TNFRSF1B: variants seen among roughly 807,000 people sequenced by gnomAD.
TNFRSF1B encodes the protein TNF receptor superfamily member 1B.
TNFRSF1B carries 19 observed loss-of-function variants against 44.6 expected under a neutral mutation model. The ratio of observed to expected loss-of-function variants is 0.43; its 90% CI spans 0.30 to 0.62. The LOEUF (loss-of-function observed/expected upper bound fraction) is 0.62, where lower values mean the gene tolerates loss of function less well. TNFRSF1B is among the 20% of genes least tolerant of loss of function. The pLI is 0.16. For missense variants in TNFRSF1B, 541 were observed against 619.9 expected (o/e 0.87, Z 1.35); for synonymous variants, 252 against 261.1 (o/e 0.97, Z 0.34).
At position 12,186,149 on chromosome 1, in the gene TNFRSF1B, G is replaced by A. The variant is rs1570147109; in HGVS notation, c.79-2647G>A. On this transcript the variant is annotated intron_variant, in intron 1 of 9. Transcript: ENST00000376259. The surrounding 1 kb of genome is among the most constrained non-coding windows in gnomAD (Gnocchi z 4.8). ...GCCCCAGCTCCTCTGGGTCGTTCCC[G>A]CTGAGGGATTCCAGCTGTTGGCACC... Among the ~76,000 whole-genome samples, 1 of 152,186 alleles carries A rather than the reference G, an allele frequency of 6.6e-6. No homozygotes were observed. Among genetic ancestry groups the A allele is most frequent in the Non-Finnish European group, 1.5e-5 (1 of 68,018 alleles).
At chr1:12,193,846 C>T in intron 6 of TNFRSF1B, 109 bp from the exon 7 acceptor site, 2 of 781,674 alleles carry the variant, frequency 2.6e-6, no homozygotes, top group South Asian at 3.0e-5. Flanking sequence ...TAGACTCGCC[C>T]CTCATTTGCA....
intron 1 of TNFRSF1B, chr1:12,167,661 T>A: frequency 4.5e-6 from 1 of 219,864 alleles, no homozygotes; most frequent in South Asian, 4.3e-5. Flanking sequence ...TTCCGATTTC[T>A]TAGAAATACC....
In TNFRSF1B at chr1:12,168,813, C is replaced by A. The variant is rs112356758; in HGVS notation, c.78+1644C>A. Among the ~76,000 whole-genome samples, 4 of 152,314 alleles carry A rather than the reference C, an allele frequency of 2.6e-5. No individual in the cohort carries two copies. The highest frequency in any genetic ancestry group is 9.6e-5 in the African/African-American group (4 of 41,566). On this transcript the variant is annotated intron_variant, in intron 1 of 9. Transcript: ENST00000376259. This position sits in a 1 kb window ranked among gnomAD's most constrained non-coding sequence, Gnocchi z 4.7. The stretch of plus-strand genomic sequence containing the variant: ...GGTCTCCCGGCCCTGCCCCCTCTCC[C>A]GCTGATCCTTGGCAGAGAGACCCTT...
chr1:12,194,112 C>T, intron 7 of TNFRSF1B, 80 bp downstream of exon 7: 1 of 1,187,748 alleles, frequency 8.4e-7, no homozygotes, highest in Admixed American at 1.7e-5. Flanking sequence ...CAGCACTGGG[C>T]ACAGCCTTAG....
intron 2 of TNFRSF1B, among the ~76,000 whole-genome samples, chr1:12,189,656 C>T (rs1383747494): frequency 6.6e-6 from 1 of 152,186 alleles, no homozygotes; most frequent in Non-Finnish European, 1.5e-5. Context: ...AAACCCTTGC[C>T]CTCGTGGAGT....
intron 1 of TNFRSF1B, among the ~76,000 whole-genome samples, chr1:12,183,546 T>G (rs974993428): frequency 2.6e-5 from 4 of 152,056 alleles, no homozygotes; most frequent in Non-Finnish European, 5.9e-5. Flanking sequence ...CTTTCTATTA[T>G]CTCTATCATC....
chr1:12,179,875 G>A (rs1638751076), intron 1 of TNFRSF1B, among the ~76,000 whole-genome samples: 1 of 152,182 alleles, frequency 6.6e-6, no homozygotes, highest in South Asian at 2.1e-4. Flanking sequence ...ATAAAGAGAA[G>A]GTATATGAAC....
At position 12,192,997 on chromosome 1, in the gene TNFRSF1B, C is replaced by T; in HGVS notation, c.686C>T (p.Pro229Leu). 3.1e-6 allele frequency: 5 copies of T among 1,614,228 alleles called. No homozygotes were observed. The highest frequency in any genetic ancestry group is 4.2e-6 in the Non-Finnish European group (5 of 1,180,034). ...TCCACACGATCCCAACACACGCAGC[C>T]AACTCCAGAACCCAGCACTGCTCCA... ...PVSTRSQHTQ[P>L]TPEPSTAPST... is the part of the protein sequence containing the mutation. The change falls in exon 6 of 10, where the codon CCA becomes CTA. Residue 229 changes from proline (P) to leucine (L), a missense_variant. Pro to Leu is a moderately conservative substitution (Grantham distance 98). Transcript: ENST00000376259.
intron 1 of TNFRSF1B, among the ~76,000 whole-genome samples, chr1:12,183,837 A>G (rs1449111471): frequency 4.7e-5 from 7 of 149,770 alleles, no homozygotes; most frequent in Admixed American, 3.3e-4. Context: ...CTATCTATCT[A>G]TCTATCTATC....
At position 12,177,175 on chromosome 1, in the gene TNFRSF1B, T is replaced by C. The variant is rs1430451819; in HGVS notation, c.78+10006T>C. On this transcript the variant is annotated intron_variant, in intron 1 of 9. Transcript: ENST00000376259. This position sits in a 1 kb window ranked among gnomAD's most constrained non-coding sequence, Gnocchi z 4.3. The stretch of plus-strand genomic sequence containing the variant: ...GCCCCACCACGCCTGGCTAATTTTT[T>C]GTATTTTTTTTAGTAGAGATGGTGT... 1.3e-5 allele frequency among the ~76,000 whole-genome samples: 2 copies of C among 152,114 alleles called. No individual in the cohort carries two copies. Among genetic ancestry groups the C allele is most frequent in the Admixed American group, 6.5e-5 (1 of 15,274 alleles).
chr1:12,168,680 TC>T lies in TNFRSF1B; in HGVS notation c.78+1514del, dbSNP rs1356825993. ...CCTGGAGTAGCTGGAGGAGGTTCCC[TC>T]CCACTTCCTTCCCTTCCTGACCAGC... On this transcript the variant is annotated intron_variant, in intron 1 of 9. Transcript: ENST00000376259. The surrounding 1 kb of genome is among the most constrained non-coding windows in gnomAD (Gnocchi z 4.7). Among the ~76,000 whole-genome samples the T allele has an allele frequency of 6.6e-6, 1 of 152,068 alleles. No individual in the cohort carries two copies. Among genetic ancestry groups the T allele is most frequent in the African/African-American group, 2.4e-5 (1 of 41,398 alleles).
In TNFRSF1B at chr1:12,199,775, C is replaced by A. The variant is rs926033060; in HGVS notation, c.901-2192C>A. 6.6e-6 allele frequency among the ~76,000 whole-genome samples: 1 copy of A among 152,180 alleles called. No individual in the cohort carries two copies. Among genetic ancestry groups the A allele is most frequent in the African/African-American group, 2.4e-5 (1 of 41,444 alleles). On this transcript the variant is annotated intron_variant, in intron 8 of 9. Transcript: ENST00000376259. This position sits in a 1 kb window ranked among gnomAD's most constrained non-coding sequence, Gnocchi z 4.0. ...ACCTCCCGCTGCAGTGCTGGCGAGC[C>A]CCATCAGCCCTTCACTCATCTCTAC...
At chr1:12,173,123 G>C (rs1638558472) in intron 1 of TNFRSF1B, among the ~76,000 whole-genome samples, 1 of 152,186 alleles carries the variant, frequency 6.6e-6, no homozygotes, top group Admixed American at 6.5e-5. Flanking sequence ...TCCCATCTGA[G>C]CACCGTCACT....
At position 12,177,459 on chromosome 1, in the gene TNFRSF1B, T is replaced by C. The variant is rs1638686496; in HGVS notation, c.78+10290T>C. Among the ~76,000 whole-genome samples the C allele has an allele frequency of 6.6e-6, 1 of 152,148 alleles. No homozygotes were observed. The highest frequency in any genetic ancestry group is 1.9e-4 in the East Asian group (1 of 5,190). The stretch of plus-strand genomic sequence containing the variant: ...CAGGGCTGGTTGCTCATCTCAGGTA[T>C]GAAATTGGCTGCACCCCCACTAGTG... On this transcript the variant is annotated intron_variant, in intron 1 of 9. Coordinates refer to ENST00000376259, the MANE Select transcript of TNFRSF1B (RefSeq NM_001066.3). This position sits in a 1 kb window ranked among gnomAD's most constrained non-coding sequence, Gnocchi z 4.3.
intron 8 of TNFRSF1B, among the ~76,000 whole-genome samples, chr1:12,195,273 G>A (rs1639241744): frequency 6.6e-6 from 1 of 152,180 alleles, no homozygotes; most frequent in African/African-American, 2.4e-5. Context: ...CATCAGGAAG[G>A]CATTTGGCTG....
Position 12,188,825 on chromosome 1 carries a change from CG to C in TNFRSF1B, c.111del (p.Ser38AlafsTer57), listed in dbSNP as rs1639044297. The C allele has an allele frequency of 6.2e-7, 1 of 1,613,706 alleles. No homozygotes were observed. Among genetic ancestry groups the C allele is most frequent in the Non-Finnish European group, 8.5e-7 (1 of 1,179,874 alleles). The stretch of plus-strand genomic sequence containing the variant: ...CATTTACACCCTACGCCCCGGAGCC[CG>C]GGAGCACATGCCGGCTCAGAGAATA... ...VAFTPYAPEP[G>X]STCRLREYYD... is the part of the protein sequence containing the mutation. On this transcript the variant is annotated frameshift_variant, in exon 2 of 10. Coordinates refer to ENST00000376259, the MANE Select transcript of TNFRSF1B (RefSeq NM_001066.3). LOFTEE classifies it high-confidence loss of function.
At chr1:12,172,759 C>T (rs1638549942) in intron 1 of TNFRSF1B, among the ~76,000 whole-genome samples, 1 of 152,240 alleles carries the variant, frequency 6.6e-6, no homozygotes, top group Non-Finnish European at 1.5e-5. Context: ...TGTATTGTGG[C>T]AAAGGCTGTG....
rs139221787 is a variant in TNFRSF1B, at chr1:12,188,890, C to T, written c.173C>T (p.Ser58Leu). 21 of 1,613,010 alleles carry T rather than the reference C, an allele frequency of 1.3e-5. No homozygotes were observed. Among genetic ancestry groups the T allele is most frequent in the South Asian group, 7.7e-5 (7 of 90,952 alleles). Residue 58 changes from serine (S) to leucine (L), a missense_variant, in exon 2 of 10, where the codon TCG (serine) becomes TTG (leucine). By Grantham distance (145) the Ser-to-Leu change is moderately radical. Transcript: ENST00000376259. ...QTAQMCCSKC[S>L]PGQHAKVFCT... ...GCTCAGATGTGCTGCAGCAAATGCTCGCCGGGTGAGGGCAGCCACGGGGGC... is the reference window on the plus strand; with the variant it reads ...GCTCAGATGTGCTGCAGCAAATGCTTGCCGGGTGAGGGCAGCCACGGGGGC...
intron 4 of TNFRSF1B, 34 bp from the exon 5 acceptor site, chr1:12,192,397 T>G: frequency 6.2e-7 from 1 of 1,608,818 alleles, no homozygotes; most frequent in Non-Finnish European, 8.5e-7. Context: ...GCAGAGTGTC[T>G]GAGTGGTTGA....
Sources: gnomAD v4.1 joint callset for allele counts (sites outside exome capture counted in the v4.1 genomes callset) on GRCh38, gnomAD v4.1.1 for gene constraint, Gnocchi (gnomAD v3.1) non-coding constraint, MANE v1.5 for transcripts, NCBI Gene and HGNC (gene_info 2026-07-23, HGNC 2026-07-21) for gene names.